DMXL2: variants seen among roughly 807,000 people sequenced by gnomAD.
The protein encoded by DMXL2 is dmX-like protein 2.
DMXL2 carries 103 observed loss-of-function variants against 331.1 expected under a neutral mutation model. The observed-to-expected ratio is 0.31, with a 90% CI of 0.27 to 0.37. The LOEUF (loss-of-function observed/expected upper bound fraction) is 0.37. Ranked by LOEUF, DMXL2 falls within the 10% of genes least tolerant of loss-of-function variation. DMXL2 has a pLI of 1.00. For missense variants in DMXL2, 3,171 were observed against 3,642.9 expected, an observed-to-expected ratio of 0.87 and a Z score of 3.33; for synonymous variants, 1,281 against 1,252.1, an observed-to-expected ratio of 1.02 and a Z score of -0.49.
At chr15:51,611,848 T>C (rs889946911) in intron 1 of DMXL2, among the ~76,000 whole-genome samples, 4 of 152,086 alleles carry the variant, frequency 2.6e-5, no homozygotes, top group Non-Finnish European at 5.9e-5. Context: ...AAGTAGCCAA[T>C]TGCAGGGAGG....
chr15:51,557,438 G>A (rs2049671320), intron 6 of DMXL2, among the ~76,000 whole-genome samples: 1 of 152,032 alleles, frequency 6.6e-6, no homozygotes, highest in Non-Finnish European at 1.5e-5. Context: ...TAGTAAAGAT[G>A]TCAATTCTCC....
intron 23 of DMXL2, among the ~76,000 whole-genome samples, chr15:51,484,038 C>T (rs2042213361): frequency 6.6e-6 from 1 of 151,876 alleles, no homozygotes; most frequent in African/African-American, 2.4e-5. Context: ...CTGAGCAGCC[C>T]TGCACCTGCA....
chr15:51,560,260 G>A (rs2049868382), intron 6 of DMXL2, among the ~76,000 whole-genome samples: 1 of 151,924 alleles, frequency 6.6e-6, no homozygotes, highest in South Asian at 2.1e-4. Flanking sequence ...TACTTCAAAA[G>A]TAGATACTGA....
intron 1 of DMXL2, 27 bp from the exon 2 acceptor site, chr15:51,576,208 T>TTA: frequency 3.5e-6 from 3 of 857,676 alleles, no homozygotes; most frequent in Non-Finnish European, 4.6e-6. Flanking sequence ...AAAAAAGTTT[T>TTA]ACAATACATA....
chr15:51,476,489 A>T, intron 27 of DMXL2, 100 bp downstream of exon 27: 1 of 1,335,342 alleles, frequency 7.5e-7, no homozygotes, highest in Non-Finnish European at 1.0e-6. Context: ...GAAAGGAACC[A>T]CTCACTAAAT....
chr15:51,451,504 G>T, intron 42 of DMXL2, 141 bp downstream of exon 42: 1 of 654,518 alleles, frequency 1.5e-6, no homozygotes, highest in Non-Finnish European at 2.5e-6. Flanking sequence ...CAAATTTTTA[G>T]TCATTCATTC....
rs2039839539 is a variant in DMXL2 at position 51,458,443 on chromosome 15, GCATAA to G, written c.8198+58_8198+62del. The G allele has an allele frequency of 2.0e-6, 3 of 1,538,386 alleles. No homozygotes were observed. In the South Asian group the frequency reaches 3.5e-5, roughly 18 times the overall value. ...CCTTTTGAAATAATTCAAATCATGTGCATAACCATTTGGTGGGTACTTCTTACAGA... is the reference window on the plus strand; with the variant it reads ...CCTTTTGAAATAATTCAAATCATGTGCCATTTGGTGGGTACTTCTTACAGA... On this transcript the variant is annotated intron_variant, in intron 36 of 43. Transcript: ENST00000560891.
At chr15:51,591,016 G>A (rs551768277) in intron 1 of DMXL2, among the ~76,000 whole-genome samples, 17 of 152,330 alleles carry the variant, frequency 1.1e-4, no homozygotes, top group African/African-American at 4.1e-4. Flanking sequence ...CGACGCAGAA[G>A]ATGGGTGATT....
chr15:51,530,381 C>T (rs1465204172), intron 13 of DMXL2, among the ~76,000 whole-genome samples: 1 of 152,036 alleles, frequency 6.6e-6, no homozygotes, highest in Non-Finnish European at 1.5e-5. Context: ...AGTAAAGTTC[C>T]AGGATATCAA....
chr15:51,499,508 A>G lies in DMXL2; in HGVS notation c.3716T>C (p.Val1239Ala). The G allele has an allele frequency of 6.2e-7, 1 of 1,614,158 alleles. No homozygotes were observed. The highest frequency in any genetic ancestry group is 8.5e-7 in the Non-Finnish European group (1 of 1,180,020). Reference sequence around the variant, plus strand: ...TGAAGGAGTACCATCAACAGAAGATACCAAGTCTATAGATCTAAGAAGAAC... The same window carrying G: ...TGAAGGAGTACCATCAACAGAAGATGCCAAGTCTATAGATCTAAGAAGAAC... ...RWVLLRSIDL[V>A]SSVDGTPSLP... The change falls in exon 18 of 44, where the codon GTA becomes GCA. Residue 1239 changes from valine (V) to alanine (A), a missense_variant. This residue lies in a region of DMXL2 where 1,674 missense variants were observed against 1,780.2 expected (regional missense o/e 0.94). Coordinates refer to ENST00000560891, the MANE Select transcript of DMXL2 (RefSeq NM_001378457.1).
intron 18 of DMXL2, among the ~76,000 whole-genome samples, chr15:51,495,748 T>C (rs1258842875): frequency 6.6e-6 from 1 of 151,964 alleles, no homozygotes; most frequent in African/African-American, 2.4e-5. Flanking sequence ...TAGCCACTGC[T>C]GGATAAAAGC....
intron 9 of DMXL2, 65 bp downstream of exon 9, chr15:51,542,268 T>C (rs1567093061): frequency 1.4e-6 from 2 of 1,462,992 alleles, no homozygotes; most frequent in Admixed American, 1.9e-5. Flanking sequence ...ATGAAAGTAG[T>C]TCCACTTTTC....
chr15:51,567,708 T>C (rs963444716), intron 3 of DMXL2: 1 of 152,138 alleles, frequency 6.6e-6, no homozygotes, highest in African/African-American at 2.4e-5. Context: ...ACTTACGAGG[T>C]GAGCTCTGAG....
chr15:51,489,435 T>C (rs2042631477), intron 20 of DMXL2, among the ~76,000 whole-genome samples: 1 of 152,090 alleles, frequency 6.6e-6, no homozygotes, highest in Non-Finnish European at 1.5e-5. Context: ...GACAGGCAGA[T>C]CACTTGAGGT....
rs772456119 is a variant in DMXL2, at chr15:51,486,127, G to T, written c.5428C>A (p.Arg1810=). The change falls in exon 23 of 44, where the codon CGA becomes AGA. Residue 1810 remains arginine, a synonymous_variant. Coordinates refer to ENST00000560891, the MANE Select transcript of DMXL2 (RefSeq NM_001378457.1). ...TGTTCCAGTAATGTGTCCAAGGCTCGGGTGTAATCTTTCATTACCCAATAG... is the reference window on the plus strand; with the variant it reads ...TGTTCCAGTAATGTGTCCAAGGCTCTGGTGTAATCTTTCATTACCCAATAG... ...LAYWVMKDYT[R]ALDTLLEQTP... 6.2e-7 allele frequency: 1 copy of T among 1,613,800 alleles called. No individual in the cohort carries two copies. The highest frequency in any genetic ancestry group is 8.5e-7 in the Non-Finnish European group (1 of 1,179,896).
At position 51,457,332 on chromosome 15, in the gene DMXL2, C is replaced by G. The variant is rs765381936; in HGVS notation, c.8333G>C (p.Ser2778Thr). 1.5e-5 allele frequency: 24 copies of G among 1,613,322 alleles called. No homozygotes were observed. Among genetic ancestry groups the G allele is most frequent in the Non-Finnish European group, 2.0e-5 (24 of 1,179,754 alleles). Residue 2778 changes from serine to threonine, a missense_variant, in exon 37 of 44, where the codon AGT becomes ACT. Ser to Thr is a moderately conservative substitution (Grantham distance 58). This residue lies in a region of DMXL2 where 766 missense variants were observed against 940.5 expected (regional missense o/e 0.81). Transcript: ENST00000560891. ...LGTGQTSTGASVLMKRNLHNV... is the reference protein window; with the variant it reads ...LGTGQTSTGATVLMKRNLHNV... ...ACCTATAAGTAAATAACATACCACA[C>G]TAGCTCCAGTGCTAGTCTGTCCAGT...
intron 30 of DMXL2, among the ~76,000 whole-genome samples, chr15:51,465,866 G>A (rs1389414320): frequency 6.6e-6 from 1 of 152,104 alleles, no homozygotes; most frequent in Non-Finnish European, 1.5e-5. Context: ...CGTGGAAAAA[G>A]ATTAACCACA....
chr15:51,613,956 T>C (rs1421998820), intron 1 of DMXL2, among the ~76,000 whole-genome samples: 1 of 152,202 alleles, frequency 6.6e-6, no homozygotes, highest in Non-Finnish European at 1.5e-5. Flanking sequence ...GCTCAGCTGA[T>C]TGTTAACATG....
At chr15:51,571,791 G>T (rs2050685895) in intron 2 of DMXL2, among the ~76,000 whole-genome samples, 1 of 152,312 alleles carries the variant, frequency 6.6e-6, no homozygotes, top group South Asian at 2.1e-4. Flanking sequence ...AAAGCAGTGT[G>T]TAGAGGGAAA....
Sources: gnomAD v4.1 joint callset for allele counts (sites outside exome capture counted in the v4.1 genomes callset) on GRCh38, gnomAD v4.1.1 for gene constraint, gnomAD v4.1.1 regional missense constraint, MANE v1.5 for transcripts, NCBI Gene and HGNC (gene_info 2026-07-23, HGNC 2026-07-21) for gene names.